Variants in SLC9B1 observed in about 807,000 individuals in gnomAD.
SLC9B1 encodes sodium/hydrogen exchanger 9B1.
SLC9B1 carries 32 observed loss-of-function variants against 51.7 expected under a neutral mutation model. That is an observed-to-expected ratio of 0.62 (90% confidence interval 0.47 to 0.83). The LOEUF (loss-of-function observed/expected upper bound fraction) is 0.83, where lower values mean the gene tolerates loss of function less well. Ranked by LOEUF, SLC9B1 falls within the 40% of genes least tolerant of loss-of-function variation. SLC9B1 has a pLI of 0.00. For synonymous variants in SLC9B1, 145 were observed against 212.7 expected (o/e 0.68, Z 2.77); for missense variants, 406 against 613.2 (o/e 0.66, Z 3.57).
rs549172702 is a variant in SLC9B1, at chr4:102,929,505, C to T, written c.829+2619G>A. ...TATTCTCAGTGTTTGGCATAGTAGC[C>T]GGCAAAAGGAAGAGGAATTTTTTTT... On this transcript the variant is annotated intron_variant, in intron 7 of 11. Coordinates refer to ENST00000296422, the MANE Select transcript of SLC9B1 (RefSeq NM_139173.4). Among the ~76,000 whole-genome samples, 201 of 152,160 alleles carry T rather than the reference C, an allele frequency of 1.3e-3. 1 individual carries two copies. Among genetic ancestry groups the T allele is most frequent in the African/African-American group, 4.7e-3 (197 of 41,478 alleles).
chr4:102,968,750 C>T (rs1476908474), intron 3 of SLC9B1, among the ~76,000 whole-genome samples: 2 of 152,222 alleles, frequency 1.3e-5, no homozygotes, highest in African/African-American at 4.8e-5. Context: ...GGAAGCAGCA[C>T]AAGGGGTCGG....
chr4:102,955,849 GAA>G (rs1400057680), intron 3 of SLC9B1, among the ~76,000 whole-genome samples: 9 of 100,350 alleles, frequency 9.0e-5, no homozygotes, highest in South Asian at 3.4e-4. Flanking sequence ...GAGAGAGAAA[GAA>G]AGAAAGAAAG....
intron 7 of SLC9B1, among the ~76,000 whole-genome samples, chr4:102,919,725 TCTTAGCAACTA>T (rs199590235): frequency 0.54 from 82,627 of 151,906 alleles, 22,999 homozygotes; most frequent in African/African-American, 0.68. Flanking sequence ...TTTCCCAAGG[TCTTAGCAACTA>T]GCAGACAAGA....
At chr4:102,911,204 A>G (rs904056915) in intron 8 of SLC9B1, among the ~76,000 whole-genome samples, 1 of 152,176 alleles carries the variant, frequency 6.6e-6, no homozygotes, top group Non-Finnish European at 1.5e-5. Context: ...TGCATTAAGT[A>G]TATTTTTTGA....
At chr4:102,910,737 A>G in intron 8 of SLC9B1, 149 bp from the exon 9 acceptor site, 1 of 377,664 alleles carries the variant, frequency 2.6e-6, no homozygotes. Flanking sequence ...TTCTCACCAT[A>G]TATTTTAGCA....
At chr4:103,009,681 A>T (rs998390284) in intron 1 of SLC9B1, among the ~76,000 whole-genome samples, 7 of 152,238 alleles carry the variant, frequency 4.6e-5, no homozygotes, top group Non-Finnish European at 2.9e-5. Context: ...CATTTAACAC[A>T]TACTTATTCA....
At chr4:103,019,072 T>C (rs1484202629) in intron 1 of SLC9B1, among the ~76,000 whole-genome samples, 1 of 152,004 alleles carries the variant, frequency 6.6e-6, no homozygotes, top group Non-Finnish European at 1.5e-5. Context: ...TGATCCCTGG[T>C]GCCAAAAAGG....
At chr4:102,980,526 T>C (rs1384704633) in intron 3 of SLC9B1, among the ~76,000 whole-genome samples, 1 of 151,952 alleles carries the variant, frequency 6.6e-6, no homozygotes, top group Non-Finnish European at 1.5e-5. Flanking sequence ...TTCACTTATA[T>C]GTGGGAGCTG....
At chr4:102,918,668 G>A (rs967906046) in intron 7 of SLC9B1, among the ~76,000 whole-genome samples, 3 of 152,136 alleles carry the variant, frequency 2.0e-5, no homozygotes, top group Admixed American at 2.0e-4. Context: ...GAGGCTTAAG[G>A]GAGTTTACTT....
chr4:102,895,927 G>T (rs1439998868), intron 11 of SLC9B1, among the ~76,000 whole-genome samples: 1 of 152,172 alleles, frequency 6.6e-6, no homozygotes, highest in Non-Finnish European at 1.5e-5. Flanking sequence ...AGCAAGCTGA[G>T]ACCCATTAGC....
At chr4:102,951,778 T>C (rs1298540754) in intron 3 of SLC9B1, among the ~76,000 whole-genome samples, 1 of 151,692 alleles carries the variant, frequency 6.6e-6, no homozygotes, top group African/African-American at 2.4e-5. Context: ...AGAAACATAA[T>C]TGAAAGAATG....
chr4:102,921,016 A>G lies in SLC9B1; in HGVS notation c.830-9479T>C, dbSNP rs1735846718. Among the ~76,000 whole-genome samples, 14 of 152,352 alleles carry G rather than the reference A, an allele frequency of 9.2e-5. No homozygotes were observed. The South Asian group carries it at 2.9e-3, about 32-fold the overall frequency. ...GATATTATCCAGGAGAACTTCCCCA[A>G]CCTAGCAAGGCAGGCCAACATTCAA... On this transcript the variant is annotated intron_variant, in intron 7 of 11. Transcript: ENST00000296422.
chr4:103,012,356 T>C (rs1268315063), intron 1 of SLC9B1, among the ~76,000 whole-genome samples: 1 of 152,208 alleles, frequency 6.6e-6, no homozygotes. Context: ...GAAGAACTCA[T>C]CAGAATGGTC....
chr4:102,895,080 A>T (rs185948569), intron 11 of SLC9B1, among the ~76,000 whole-genome samples: 14 of 152,266 alleles, frequency 9.2e-5, no homozygotes, highest in Admixed American at 7.8e-4. Context: ...AATTGTTCCA[A>T]AAAAAAGACT....
At chr4:102,914,221 G>A (rs1235009725) in intron 7 of SLC9B1, among the ~76,000 whole-genome samples, 1 of 101,584 alleles carries the variant, frequency 9.8e-6, no homozygotes, top group East Asian at 2.8e-4. Flanking sequence ...TACCAGTCTG[G>A]GTGCACTGGA....
At chr4:102,904,370 C>T (rs180765333) in intron 11 of SLC9B1, among the ~76,000 whole-genome samples, 1 of 151,768 alleles carries the variant, frequency 6.6e-6, no homozygotes, top group Non-Finnish European at 1.5e-5. Flanking sequence ...TGTGTCTCTA[C>T]TTTTTAAAAT....
At chr4:102,902,413 C>T (rs1228162542) in intron 11 of SLC9B1, among the ~76,000 whole-genome samples, 3 of 151,926 alleles carry the variant, frequency 2.0e-5, no homozygotes, top group South Asian at 2.1e-4. Flanking sequence ...ATGTACTGAA[C>T]GTGAGCCAGT....
chr4:102,922,977 G>T (rs1360896295), intron 7 of SLC9B1, among the ~76,000 whole-genome samples: 2 of 152,086 alleles, frequency 1.3e-5, no homozygotes, highest in East Asian at 3.8e-4. Flanking sequence ...TCTACCAGAG[G>T]CACAAAGAGG....
chr4:102,974,349 AC>A (rs1360173287), intron 3 of SLC9B1, among the ~76,000 whole-genome samples: 7 of 151,706 alleles, frequency 4.6e-5, no homozygotes, highest in Admixed American at 6.6e-5. Context: ...AAACAAAAAA[AC>A]AATAGGCAAG....
Sources: gnomAD v4.1 joint callset for allele counts (sites outside exome capture counted in the v4.1 genomes callset) on GRCh38, gnomAD v4.1.1 for gene constraint, MANE v1.5 for transcripts, NCBI Gene and HGNC (gene_info 2026-07-23, HGNC 2026-07-21) for gene names.